Variants in CGNL1 observed in about 807,000 individuals in gnomAD.
CGNL1 encodes cingulin-like protein 1.
In CGNL1, 132 loss-of-function variants were observed where a neutral mutation model predicts 141.2. That is an observed-to-expected ratio of 0.93 (90% CI 0.81 to 1.08). The LOEUF (loss-of-function observed/expected upper bound fraction) is 1.08. Ranked by LOEUF, CGNL1 falls within the 50% of genes least tolerant of loss-of-function variation. CGNL1 has a pLI of 0.00. For synonymous variants in CGNL1, 690 were observed against 622.1 expected (o/e 1.11, Z -1.63); for missense variants, 1,870 against 1,588.6 (o/e 1.18, Z -3.01).
intron 1 of CGNL1, among the ~76,000 whole-genome samples, chr15:57,388,397 G>A (rs1053317266): frequency 1.3e-5 from 2 of 152,162 alleles, no homozygotes; most frequent in Non-Finnish European, 2.9e-5. Flanking sequence ...CTGCTGACAC[G>A]CACTGGTGAT....
intron 8 of CGNL1, among the ~76,000 whole-genome samples, chr15:57,475,518 TG>T (rs2063643043): frequency 6.6e-6 from 1 of 151,728 alleles, no homozygotes; most frequent in Non-Finnish European, 1.5e-5. Context: ...TGTGTGTGTG[TG>T]TGTGTGTGTG....
chr15:57,420,641 T>G (rs1489894222), intron 1 of CGNL1, among the ~76,000 whole-genome samples: 3 of 152,232 alleles, frequency 2.0e-5, no homozygotes, highest in Admixed American at 1.3e-4. Context: ...ACCTTTGCCT[T>G]TGGTCTTACA....
At chr15:57,417,651 A>G (rs1166690770) in intron 1 of CGNL1, among the ~76,000 whole-genome samples, 2 of 151,776 alleles carry the variant, frequency 1.3e-5, no homozygotes, top group African/African-American at 4.8e-5. Context: ...TGCTGGGGAA[A>G]AGGAGTCTCT....
chr15:57,464,743 TTC>T lies in CGNL1; in HGVS notation c.2403+2855_2403+2856del, dbSNP rs2063490661. Among the ~76,000 whole-genome samples the T allele has an allele frequency of 2.0e-5, 3 of 150,500 alleles. No homozygotes were observed. In the Admixed American group the frequency reaches 2.0e-4, roughly 10 times the overall value. On this transcript the variant is annotated intron_variant, in intron 8 of 18. Transcript: ENST00000281282. Reference sequence around the variant, plus strand: ...TCCTTTCCTTTCCTTCTTTCTTTCTTTCTCTTTCCTTCTTTTTTTTTTTTGAG... The same window carrying T: ...TCCTTTCCTTTCCTTCTTTCTTTCTTTCTTTCCTTCTTTTTTTTTTTTGAG...
At chr15:57,411,020 T>C (rs2062780636) in intron 1 of CGNL1, among the ~76,000 whole-genome samples, 3 of 151,944 alleles carry the variant, frequency 2.0e-5, no homozygotes, top group African/African-American at 4.8e-5. Context: ...AAAGACCAAG[T>C]TTTTTAAAAA....
chr15:57,542,447 C>CT (rs1258727132), intron 14 of CGNL1, among the ~76,000 whole-genome samples: 3 of 152,230 alleles, frequency 2.0e-5, no homozygotes, highest in Non-Finnish European at 4.4e-5. Flanking sequence ...TCATTTTACT[C>CT]TTGCACAAGC....
intron 3 of CGNL1, 80 bp from the exon 4 acceptor site, chr15:57,442,293 G>T: frequency 1.3e-6 from 1 of 783,442 alleles, no homozygotes; most frequent in Non-Finnish European, 2.1e-6. Context: ...AGGACCTGTT[G>T]GGTGTGTGTC....
chr15:57,459,076 G>A (rs138467812), intron 7 of CGNL1, among the ~76,000 whole-genome samples: 262 of 152,324 alleles, frequency 1.7e-3, no homozygotes, highest in Middle Eastern at 0.014. Flanking sequence ...ACACAATTCT[G>A]GAATGGAAAG....
intron 1 of CGNL1, among the ~76,000 whole-genome samples, chr15:57,431,885 G>GCA (rs2063049599): frequency 6.6e-6 from 1 of 152,158 alleles, no homozygotes; most frequent in Non-Finnish European, 1.5e-5. Context: ...CATCAGCCTG[G>GCA]TAGTATCTTC....
chr15:57,466,549 T>C (rs28496255), intron 8 of CGNL1, among the ~76,000 whole-genome samples: 4 of 152,186 alleles, frequency 2.6e-5, no homozygotes, highest in Non-Finnish European at 2.9e-5. Flanking sequence ...GACCTGGTAT[T>C]GTTGGCAATT....
intron 8 of CGNL1, among the ~76,000 whole-genome samples, chr15:57,463,754 A>G (rs947470585): frequency 1.3e-5 from 2 of 152,346 alleles, no homozygotes; most frequent in Admixed American, 1.3e-4. Flanking sequence ...TGCCTAACCC[A>G]TCTCCAGAAA....
chr15:57,421,859 T>C (rs1161994164), intron 1 of CGNL1, among the ~76,000 whole-genome samples: 1 of 152,038 alleles, frequency 6.6e-6, no homozygotes, highest in Non-Finnish European at 1.5e-5. Context: ...TGAATATGGA[T>C]GTGAGTGATT....
intron 8 of CGNL1, among the ~76,000 whole-genome samples, chr15:57,489,235 A>C (rs944952117): frequency 3.3e-5 from 5 of 152,218 alleles, no homozygotes; most frequent in Non-Finnish European, 7.3e-5. Flanking sequence ...AGAGATACTC[A>C]TTACATAGTT....
chr15:57,491,856 C>CCCTCCT (rs144437154), intron 8 of CGNL1, among the ~76,000 whole-genome samples: 1 of 152,012 alleles, frequency 6.6e-6, no homozygotes, highest in Non-Finnish European at 1.5e-5. Flanking sequence ...GGACCAACTC[C>CCCTCCT]CCTCCTCCTC....
intron 8 of CGNL1, among the ~76,000 whole-genome samples, chr15:57,495,195 C>T (rs778071523): frequency 6.6e-6 from 1 of 152,110 alleles, no homozygotes. Context: ...ATAGTTTTCA[C>T]GTGTAACTTA....
Position 57,439,213 on chromosome 15 carries a change from T to A in CGNL1, c.1214T>A (p.Ile405Asn), listed in dbSNP as rs144443713. The stretch of plus-strand genomic sequence containing the variant: ...CTCCAAGGGAACTCGGAGTACCTGA[T>A]TGAATTCAGTAGGAACTTGGGCAAG... ...FGLQGNSEYL[I>N]EFSRNLGKSS... The change falls in exon 2 of 19, where the codon ATT (isoleucine) becomes AAT (asparagine). Residue 405 changes from isoleucine (I) to asparagine (N), a missense_variant. Ile to Asn is a moderately radical substitution (Grantham distance 149). Coordinates refer to ENST00000281282, the MANE Select transcript of CGNL1 (RefSeq NM_032866.5). 6.2e-7 allele frequency: 1 copy of A among 1,614,138 alleles called. No homozygotes were observed. The highest frequency in any genetic ancestry group is 8.5e-7 in the Non-Finnish European group (1 of 1,180,010).
At chr15:57,396,277 G>GTTTTTTTTTTTTTTTTTT (rs57154500) in intron 1 of CGNL1, among the ~76,000 whole-genome samples, 19 of 129,212 alleles carry the variant, frequency 1.5e-4, no homozygotes, top group African/African-American at 5.6e-4. Flanking sequence ...TTCTTTCTTT[G>GTTTTTTTTTTTTTTTTTT]TTTTTTTTTT....
intron 1 of CGNL1, among the ~76,000 whole-genome samples, chr15:57,412,307 G>A (rs1342313924): frequency 6.6e-6 from 1 of 152,222 alleles, no homozygotes. Context: ...GACCTTTTCT[G>A]TACAGATAAA....
At chr15:57,501,988 G>C (rs1385250727) in intron 8 of CGNL1, among the ~76,000 whole-genome samples, 1 of 152,184 alleles carries the variant, frequency 6.6e-6, no homozygotes, top group East Asian at 1.9e-4. Flanking sequence ...TCTGTGTGGG[G>C]TCTGACTATT....
Sources: allele counts gnomAD v4.1 joint callset (sites outside exome capture counted in the v4.1 genomes callset), GRCh38; gene constraint gnomAD v4.1.1; transcripts MANE v1.5; gene names NCBI Gene and HGNC (gene_info 2026-07-23, HGNC 2026-07-21).